The following PIGN variants were observed in gnomAD, a reference collection of about 807,000 sequenced individuals.
The protein encoded by PIGN is GPI ethanolamine phosphate transferase 1.
In PIGN, 117 loss-of-function variants were observed where a neutral mutation model predicts 125.4. The ratio of observed to expected loss-of-function variants is 0.93; its 90% CI spans 0.80 to 1.09. PIGN has a LOEUF of 1.09. PIGN is among the 50% of genes least tolerant of loss of function. The pLI is 0.00. For missense variants in PIGN, 1,075 were observed against 1,094.9 expected (o/e 0.98, Z 0.26); for synonymous variants, 392 against 377.8 (o/e 1.04, Z -0.44).
chr18:62,140,695 G>A (rs193235523), intron 11 of PIGN, among the ~76,000 whole-genome samples: 178 of 152,066 alleles, frequency 1.2e-3, no homozygotes, highest in Non-Finnish European at 1.6e-3. Flanking sequence ...AACCACTAAA[G>A]GCCCTAAATG....
chr18:62,091,515 A>T (rs1367478535), intron 23 of PIGN, among the ~76,000 whole-genome samples: 1 of 152,240 alleles, frequency 6.6e-6, no homozygotes, highest in Non-Finnish European at 1.5e-5. Flanking sequence ...CTGAGAAAAT[A>T]AGCAGACATG....
At position 62,077,999 on chromosome 18, in the gene PIGN, T is replaced by A. The variant is rs565843199; in HGVS notation, c.2577-3178A>T. On this transcript the variant is annotated intron_variant, in intron 28 of 30. Transcript: ENST00000640252. ...TTAATCTTTTCCTCTTATAAGGACATCAGTCATATTGGACTAGGGCCCACC... is the reference window on the plus strand; with the variant it reads ...TTAATCTTTTCCTCTTATAAGGACAACAGTCATATTGGACTAGGGCCCACC... Among the ~76,000 whole-genome samples, 67 of 152,310 alleles carry A rather than the reference T, an allele frequency of 4.4e-4. 1 individual carries two copies. The highest frequency in any genetic ancestry group is 1.4e-3 in the African/African-American group (60 of 41,572).
chr18:62,114,603 T>A lies in PIGN; in HGVS notation c.1209A>T (p.Arg403Ser). 1 of 1,525,250 alleles carries A rather than the reference T, an allele frequency of 6.6e-7. No individual in the cohort carries two copies. Among genetic ancestry groups the A allele is most frequent in the East Asian group, 2.5e-5 (1 of 40,782 alleles). 94.5% of individuals were successfully genotyped at this position (1,525,250 alleles called of 1,614,324 possible). The change falls in exon 15 of 31, where the codon AGA becomes AGT. Residue 403 changes from arginine (R) to serine (S), a missense_variant. Coordinates refer to ENST00000640252, the MANE Select transcript of PIGN (RefSeq NM_176787.5). The stretch of plus-strand genomic sequence containing the variant: ...TGTGTTTTATATAAGATCTTGCTTT[T>A]CTTAAAATGTTGAACTGTTTGGAAT... ...LSDSKQFNILRKARSYIKHRK... is the reference protein window; with the variant it reads ...LSDSKQFNILSKARSYIKHRK...
chr18:62,112,019 A>C (rs1452075847), intron 16 of PIGN, among the ~76,000 whole-genome samples: 4 of 152,184 alleles, frequency 2.6e-5, no homozygotes, highest in African/African-American at 9.6e-5. Context: ...CTCTGGATTA[A>C]AGTCTCAGTC....
At chr18:62,032,124 G>A (rs971672955) in intron 23 of PIGN, among the ~76,000 whole-genome samples, 3 of 152,160 alleles carry the variant, frequency 2.0e-5, no homozygotes, top group African/African-American at 4.8e-5. Flanking sequence ...GGATAATCCA[G>A]GATGAGCTCA....
chr18:62,100,411 T>A (rs1407969978), intron 22 of PIGN, among the ~76,000 whole-genome samples: 1 of 152,174 alleles, frequency 6.6e-6, no homozygotes, highest in Admixed American at 6.6e-5. Flanking sequence ...TGGGCCCCCA[T>A]GACCCAAACA....
intron 14 of PIGN, among the ~76,000 whole-genome samples, chr18:62,129,776 C>T (rs2035666441): frequency 6.6e-6 from 1 of 152,170 alleles, no homozygotes; most frequent in Admixed American, 6.5e-5. Context: ...AAGATAATTA[C>T]TCTGCAATGG....
At chr18:62,025,732 C>G (rs1156481022) in intron 23 of PIGN, among the ~76,000 whole-genome samples, 1 of 152,134 alleles carries the variant, frequency 6.6e-6, no homozygotes, top group Non-Finnish European at 1.5e-5. Flanking sequence ...GGTTTCCTAC[C>G]TAAGCCAAAG....
chr18:62,158,557 T>C (rs1388728817), intron 4 of PIGN, among the ~76,000 whole-genome samples: 1 of 152,172 alleles, frequency 6.6e-6, no homozygotes, highest in Non-Finnish European at 1.5e-5. Context: ...TTTGCAAAAT[T>C]TGGGGAAGAA....
chr18:62,089,808 G>T (rs17069445), intron 24 of PIGN, among the ~76,000 whole-genome samples: 1 of 151,918 alleles, frequency 6.6e-6, no homozygotes, highest in East Asian at 1.9e-4. Flanking sequence ...CATTTTATCC[G>T]ACCTTAGTAA....
chr18:62,102,299 A>G (rs1335964499), intron 21 of PIGN, among the ~76,000 whole-genome samples: 1 of 146,592 alleles, frequency 6.8e-6, no homozygotes, highest in Non-Finnish European at 1.5e-5. Context: ...CCCATCTAGT[A>G]TGCAGCGTAA....
At chr18:62,117,893 G>A (rs2035149905) in intron 14 of PIGN, among the ~76,000 whole-genome samples, 2 of 151,870 alleles carry the variant, frequency 1.3e-5, no homozygotes, top group Non-Finnish European at 2.9e-5. Flanking sequence ...CAAATGACAG[G>A]ATTTCATTCT....
At position 62,082,692 on chromosome 18, in the gene PIGN, T is replaced by A; in HGVS notation, c.2557A>T (p.Thr853Ser). Residue 853 changes from threonine to serine, a missense_variant, in exon 28 of 31, where the codon ACT (threonine) becomes TCT (serine). Physicochemically the swap from Thr to Ser is moderately conservative, Grantham distance 58 (BLOSUM62 1). This residue lies in a region of PIGN where 915 missense variants were observed against 908.7 expected (regional missense o/e 1.01). Coordinates refer to ENST00000640252, the MANE Select transcript of PIGN (RefSeq NM_176787.5). ...TCTTACCTTTTTGACGATAACTGAGTAGTCAACTGAACTGCTTCAAAAGCA... is the reference window on the plus strand; with the variant it reads ...TCTTACCTTTTTGACGATAACTGAGAAGTCAACTGAACTGCTTCAAAAGCA... ...MCAFEAVQLT[T>S]QLSSKSLFLI... The A allele has an allele frequency of 6.5e-7, 1 of 1,545,528 alleles. No homozygotes were observed. The highest frequency in any genetic ancestry group is 1.2e-5 in the South Asian group (1 of 83,884).
chr18:62,112,194 T>C (rs1259509644), intron 16 of PIGN, among the ~76,000 whole-genome samples: 1 of 152,168 alleles, frequency 6.6e-6, no homozygotes, highest in East Asian at 1.9e-4. Context: ...ACTCAAATAA[T>C]TAAAATTACT....
chr18:62,048,857 C>A (rs2030983018), intron 30 of PIGN, among the ~76,000 whole-genome samples: 1 of 145,068 alleles, frequency 6.9e-6, no homozygotes, highest in South Asian at 2.3e-4. Context: ...CCCCCCTCCC[C>A]CTACCCCACA....
intron 10 of PIGN, among the ~76,000 whole-genome samples, chr18:62,143,659 C>T: frequency 6.6e-6 from 1 of 152,146 alleles, no homozygotes. Context: ...ACAATGGTAA[C>T]AACTGTCAGC....
rs191481054 is a variant in PIGN at position 62,182,873 on chromosome 18, T to C, written c.-236+3971A>G. 2.5e-4 allele frequency among the ~76,000 whole-genome samples: 38 copies of C among 152,332 alleles called. 4 individuals carry two copies. Among genetic ancestry groups the C allele is most frequent in the South Asian group, 2.5e-3 (12 of 4,830 alleles). ...CAAATACTGCATGATTTCACTCCTA[T>C]GTGGAACTTAAGAAAGTTGACCCCA... On this transcript the variant is annotated intron_variant, in intron 1 of 30. Transcript: ENST00000640252.
At chr18:62,071,654 G>A (rs1427483566) in intron 30 of PIGN, among the ~76,000 whole-genome samples, 4 of 151,578 alleles carry the variant, frequency 2.6e-5, no homozygotes, top group Non-Finnish European at 5.9e-5. Context: ...TAGTGATAGC[G>A]CAGTGTCTTT....
At chr18:62,112,586 A>G (rs2034923543) in intron 16 of PIGN, 1 of 152,256 alleles carries the variant, frequency 6.6e-6, no homozygotes, top group African/African-American at 2.4e-5. Context: ...AAAGCATAGT[A>G]AAGTAGGAAC....
Sources: gnomAD v4.1 joint callset for allele counts (sites outside exome capture counted in the v4.1 genomes callset) on GRCh38, gnomAD v4.1.1 for gene constraint, gnomAD v4.1.1 regional missense constraint, MANE v1.5 for transcripts, NCBI Gene and HGNC (gene_info 2026-07-23, HGNC 2026-07-21) for gene names.